Variants in PAICS observed in about 807,000 individuals in gnomAD.
PAICS encodes the protein bifunctional phosphoribosylaminoimidazole carboxylase/phosphoribosylaminoimidazole succinocarboxamide synthetase.
A neutral mutation model predicts 53.7 loss-of-function variants in PAICS; 33 were observed. That is an observed-to-expected ratio of 0.61 (90% CI 0.47 to 0.82). The LOEUF (loss-of-function observed/expected upper bound fraction) is 0.82, where lower values mean the gene tolerates loss of function less well. Among genes scored for constraint, PAICS ranks in the 40% least tolerant of loss-of-function variants. The pLI, the probability that PAICS is intolerant of heterozygous loss-of-function variation, is 0.00. For missense variants in PAICS, 394 were observed against 494.1 expected, an observed-to-expected ratio of 0.80 and a Z score of 1.92; for synonymous variants, 141 against 167.2, an observed-to-expected ratio of 0.84 and a Z score of 1.21.
At chr4:56,416,210 T>C in the PAICS span, 1 of 152,428 alleles carries the variant, frequency 6.6e-6, no homozygotes, top group African/African-American at 2.4e-5. Flanking sequence ...TCTTTAAATA[T>C]ACAAATATTT....
At chr4:56,438,356 A>C (rs1718129939) in intron 1 of PAICS, among the ~76,000 whole-genome samples, 2 of 125,288 alleles carry the variant, frequency 1.6e-5, no homozygotes, top group Non-Finnish European at 3.6e-5. Context: ...AATAAAAAAA[A>C]CTGGTGCAAT....
At chr4:56,438,372 T>TA (rs1491125461) in intron 1 of PAICS, among the ~76,000 whole-genome samples, 4 of 1,176 alleles carry the variant, frequency 3.4e-3, no homozygotes, top group African/African-American at 6.7e-3. Flanking sequence ...GCAATGTGTT[T>TA]ATATATATAT....
the PAICS span, among the ~76,000 whole-genome samples, chr4:56,415,360 T>C: frequency 6.6e-6 from 1 of 152,214 alleles, no homozygotes; most frequent in South Asian, 2.1e-4. Flanking sequence ...CATGTGTCAA[T>C]TGAGTTAAAA....
At chr4:56,410,858 G>T in the PAICS span, 3 of 970,084 alleles carry the variant, frequency 3.1e-6, no homozygotes, top group Non-Finnish European at 3.6e-6. Context: ...CAGGTACCTG[G>T]AAACGCTCAG....
chr4:56,455,789 G>A (rs1041559434), intron 8 of PAICS, among the ~76,000 whole-genome samples: 1 of 152,018 alleles, frequency 6.6e-6, no homozygotes, highest in African/African-American at 2.4e-5. Flanking sequence ...TATGAATTTT[G>A]TTTCTCTCTG....
At position 56,459,401 on chromosome 4, in the gene PAICS, G is replaced by A; in HGVS notation, c.1141G>A (p.Glu381Lys). Residue 381 changes from glutamate (E) to lysine (K), a missense_variant, in exon 9 of 9, where the codon GAA (glutamate) becomes AAA (lysine). Around this residue, in one of 3 missense-constraint regions of PAICS, gnomAD observed 95 missense variants for 89.3 expected, o/e 1.06. Transcript: ENST00000512576. ...TGGCTGTTCAACCGTACTTTCTCCAGAAGGATCAGCTCAATTTGCTGCTCA... is the reference window on the plus strand; with the variant it reads ...TGGCTGTTCAACCGTACTTTCTCCAAAAGGATCAGCTCAATTTGCTGCTCA... ...GLGCSTVLSP[E>K]GSAQFAAQIF... The A allele has an allele frequency of 1.9e-6, 3 of 1,601,004 alleles. No individual in the cohort carries two copies. The highest frequency in any genetic ancestry group is 2.6e-6 in the Non-Finnish European group (3 of 1,170,814).
At chr4:56,413,149 TG>T in the PAICS span, among the ~76,000 whole-genome samples, 1 of 150,264 alleles carries the variant, frequency 6.7e-6, no homozygotes, top group Non-Finnish European at 1.5e-5. Flanking sequence ...GTCTTGTTTT[TG>T]GTTTTTGGTT....
the PAICS span, chr4:56,422,856 G>C: frequency 7.2e-5 from 11 of 152,270 alleles, no homozygotes; most frequent in Middle Eastern, 3.4e-3. Flanking sequence ...TCCAAGTGTA[G>C]CAGCATCAGC....
At chr4:56,435,544 A>G (rs1717863267), upstream of PAICS, 2 of 1,608,884 alleles carry the variant, frequency 1.2e-6, no homozygotes, top group Non-Finnish European at 1.7e-6. Flanking sequence ...ACCAGCTGCC[A>G]GCTCGGCCCG....
upstream of PAICS, among the ~76,000 whole-genome samples, chr4:56,434,460 C>T (rs1717787407): frequency 6.6e-6 from 1 of 152,076 alleles, no homozygotes; most frequent in Admixed American, 6.5e-5. Flanking sequence ...TTTTTCTTAT[C>T]CTAGTGTAAT....
chr4:56,410,775 A>G, the PAICS span: 1 of 987,420 alleles, frequency 1.0e-6, no homozygotes, highest in Non-Finnish European at 1.2e-6. Context: ...AAAACTATGA[A>G]GTTCTTCCAT....
At chr4:56,457,351 A>G (rs1425817475) in intron 8 of PAICS, among the ~76,000 whole-genome samples, 3 of 152,184 alleles carry the variant, frequency 2.0e-5, no homozygotes, top group African/African-American at 7.2e-5. Flanking sequence ...AAGTTGAGGC[A>G]GCAGTGAGCC....
chr4:56,431,747 A>T (rs1334780604), upstream of PAICS, among the ~76,000 whole-genome samples: 3 of 152,240 alleles, frequency 2.0e-5, no homozygotes, highest in Non-Finnish European at 1.5e-5. Context: ...TGTCCAGGCC[A>T]TTCTAGTCTC....
upstream of PAICS, chr4:56,436,153 C>A: frequency 1.3e-6 from 2 of 1,491,428 alleles, no homozygotes; most frequent in Non-Finnish European, 1.8e-6. Context: ...CCGCCCATAC[C>A]CCTCCGGGTT....
At chr4:56,433,909 C>T (rs1208005635), upstream of PAICS, among the ~76,000 whole-genome samples, 1 of 152,162 alleles carries the variant, frequency 6.6e-6, no homozygotes, top group Non-Finnish European at 1.5e-5. Context: ...CCAGGATGGT[C>T]TCGATCTCTT....
chr4:56,418,403 T>C, the PAICS span, among the ~76,000 whole-genome samples: 1 of 152,138 alleles, frequency 6.6e-6, no homozygotes, highest in South Asian at 2.1e-4. Flanking sequence ...CATTGCAACC[T>C]CCACCTCCCC....
At chr4:56,441,464 A>C (rs1718334262) in intron 1 of PAICS, among the ~76,000 whole-genome samples, 199 bp from the exon 2 acceptor site, 2 of 152,194 alleles carry the variant, frequency 1.3e-5, no homozygotes, top group South Asian at 4.1e-4. Flanking sequence ...ATGTAATTAA[A>C]ATTCTTCACA....
chr4:56,438,371 T>TTATATACATA (rs1553941193), intron 1 of PAICS, among the ~76,000 whole-genome samples: 2 of 113,674 alleles, frequency 1.8e-5, no homozygotes, highest in Non-Finnish European at 3.9e-5. Flanking sequence ...TGCAATGTGT[T>TTATATACATA]TATATATATA....
chr4:56,410,708 A>G, the PAICS span: 1 of 986,744 alleles, frequency 1.0e-6, no homozygotes, highest in Admixed American at 6.1e-5. Context: ...TAAGTACAAA[A>G]ATCTCAAATA....
Sources: allele counts gnomAD v4.1 joint callset (sites outside exome capture counted in the v4.1 genomes callset), GRCh38; gene constraint gnomAD v4.1.1; regional missense constraint gnomAD v4.1.1; transcripts MANE v1.5; gene names NCBI Gene and HGNC (gene_info 2026-07-23, HGNC 2026-07-21).